Variants in PLAT observed in about 807,000 individuals in gnomAD.
PLAT encodes plasminogen activator, tissue type.
A neutral mutation model predicts 74.9 loss-of-function variants in PLAT; 48 were observed. The ratio of observed to expected loss-of-function variants is 0.64; its 90% CI spans 0.51 to 0.82. The LOEUF (loss-of-function observed/expected upper bound fraction) is 0.82. Ranked by LOEUF, PLAT falls within the 40% of genes least tolerant of loss-of-function variation. PLAT has a pLI of 0.00. For missense variants in PLAT, 673 were observed against 736.2 expected (o/e 0.91, Z 0.99); for synonymous variants, 307 against 294.4 (o/e 1.04, Z -0.44).
At chr8:42,193,269 AGAG>A in intron 1 of PLAT, 58 bp from the exon 2 acceptor site, 1 of 1,131,196 alleles carries the variant, frequency 8.8e-7, no homozygotes, top group Non-Finnish European at 1.3e-6. Context: ...TGATGGCAAC[AGAG>A]GAGGATAAGC....
At chr8:42,194,235 AGAGAGAGTGTGTGTGT>A (rs1355508931) in intron 1 of PLAT, among the ~76,000 whole-genome samples, 67 of 63,562 alleles carry the variant, frequency 1.1e-3, no homozygotes, top group South Asian at 3.2e-3. Flanking sequence ...AGAGAGAGAG[AGAGAGAGTGTGTGTGT>A]GTGTGTGTGT....
At chr8:42,201,187 G>A (rs1380808534) in intron 1 of PLAT, among the ~76,000 whole-genome samples, 1 of 152,202 alleles carries the variant, frequency 6.6e-6, no homozygotes, top group Non-Finnish European at 1.5e-5. Flanking sequence ...CAAAGAAGGG[G>A]CGTGGTCACT....
chr8:42,179,618 G>A (rs186675098), intron 12 of PLAT, among the ~76,000 whole-genome samples: 120 of 152,278 alleles, frequency 7.9e-4, no homozygotes, highest in Admixed American at 2.3e-3. Flanking sequence ...ATTTGAAATC[G>A]GGTCTTTGTA....
At chr8:42,192,243 A>G (rs978625943) in intron 2 of PLAT, among the ~76,000 whole-genome samples, 1 of 151,930 alleles carries the variant, frequency 6.6e-6, no homozygotes, top group African/African-American at 2.4e-5. Context: ...GGCTCAAGCG[A>G]TCCTCCCACC....
rs1426018186 is a variant in PLAT at position 42,185,109 on chromosome 8, C to T, written c.603G>A (p.Glu201=). The T allele has an allele frequency of 9.9e-6, 16 of 1,611,916 alleles. No individual in the cohort carries two copies. The highest frequency in any genetic ancestry group is 1.3e-5 in the African/African-American group (1 of 74,782). Residue 201 remains glutamate, a synonymous_variant, in exon 7 of 14, where the codon GAG becomes GAA. Coordinates refer to ENST00000220809, the MANE Select transcript of PLAT (RefSeq NM_000930.5). The part of the protein sequence containing the change: ...YVFKAGKYSS[E]FCSTPACSEG... Reference sequence around the variant, plus strand: ...CAGAGCAGGCAGGGGTGCTGCAGAACTCTGAGCTGTACTTCCCCGCCTTAA... The same window carrying T: ...CAGAGCAGGCAGGGGTGCTGCAGAATTCTGAGCTGTACTTCCCCGCCTTAA...
intron 1 of PLAT, among the ~76,000 whole-genome samples, chr8:42,203,988 T>TACACACACACACACAC (rs1208295801): frequency 8.1e-6 from 1 of 123,262 alleles, no homozygotes; most frequent in African/African-American, 4.8e-5. Flanking sequence ...TATATATATA[T>TACACACACACACACAC]ATATACACAC....
At position 42,176,156 on chromosome 8, in the gene PLAT, A is replaced by C. The variant is rs1587924406; in HGVS notation, c.1531-5T>G. On this transcript the variant is annotated splice_polypyrimidine_tract_variant and splice_region_variant and intron_variant, in intron 13 of 13. Coordinates refer to ENST00000220809, the MANE Select transcript of PLAT (RefSeq NM_000930.5). ...CAGGGGGCCTCCCGAATCGCCCTGCAAAGGAGATAGCAGGTTTGGCGTTTG... is the reference window on the plus strand; with the variant it reads ...CAGGGGGCCTCCCGAATCGCCCTGCCAAGGAGATAGCAGGTTTGGCGTTTG... The C allele has an allele frequency of 3.7e-6, 6 of 1,612,006 alleles. No homozygotes were observed. In the East Asian group the frequency reaches 1.1e-4, roughly 30 times the overall value.
intron 1 of PLAT, among the ~76,000 whole-genome samples, chr8:42,194,043 C>CTTTTTT (rs1805796061): frequency 1.1e-5 from 1 of 94,192 alleles, no homozygotes; most frequent in African/African-American, 4.5e-5. Flanking sequence ...TTTCTTCTTT[C>CTTTTTT]TTCTTTCTTT....
At chr8:42,199,690 C>T (rs1806053400) in intron 1 of PLAT, among the ~76,000 whole-genome samples, 1 of 152,134 alleles carries the variant, frequency 6.6e-6, no homozygotes, top group Non-Finnish European at 1.5e-5. Flanking sequence ...AAGTCTATCC[C>T]GCCTCCTCCC....
intron 6 of PLAT, chr8:42,186,343 A>T (rs1805457354): frequency 6.6e-6 from 1 of 152,052 alleles, no homozygotes; most frequent in African/African-American, 2.4e-5. Context: ...CCTCTGCCCT[A>T]TTTTTTATGT....
At chr8:42,205,819 C>T (rs548773919) in intron 1 of PLAT, among the ~76,000 whole-genome samples, 15 of 152,326 alleles carry the variant, frequency 9.8e-5, no homozygotes, top group African/African-American at 1.4e-4. Flanking sequence ...CTCCAGAGGC[C>T]GTGTCACATG....
Position 42,185,555 on chromosome 8 carries a change from C to T in PLAT, c.540-383G>A, listed in dbSNP as rs188907598. 412 of 158,682 alleles carry T rather than the reference C, an allele frequency of 2.6e-3. 1 individual carries two copies. Among genetic ancestry groups the T allele is most frequent in the African/African-American group, 9.3e-3 (388 of 41,734 alleles). 9.8% of individuals were successfully genotyped at this position (158,682 alleles called of 1,614,324 possible). A position where few individuals can be genotyped will look rare whatever the true frequency, so the allele number is the denominator to read the frequency against. ...CTGGGATTACAGGCGTGAGCCACCACGCCCAGCCGGGAGTGCGTTTTTGGT... is the reference window on the plus strand; with the variant it reads ...CTGGGATTACAGGCGTGAGCCACCATGCCCAGCCGGGAGTGCGTTTTTGGT... On this transcript the variant is annotated intron_variant, in intron 6 of 13. Coordinates refer to ENST00000220809, the MANE Select transcript of PLAT (RefSeq NM_000930.5).
intron 1 of PLAT, among the ~76,000 whole-genome samples, chr8:42,195,355 G>A (rs141704102): frequency 5.4e-4 from 82 of 152,324 alleles, no homozygotes; most frequent in African/African-American, 1.9e-3. Context: ...GAGGCTCCGG[G>A]TACAGCAATT....
At position 42,175,308 on chromosome 8, in the gene PLAT, A is replaced by T. The variant is rs139760382; in HGVS notation, c.*685T>A. 503 of 152,376 alleles carry T rather than the reference A, an allele frequency of 3.3e-3. 3 individuals carry two copies. Among genetic ancestry groups the T allele is most frequent in the African/African-American group, 0.011 (473 of 41,578 alleles). 9.4% of individuals were successfully genotyped at this position (152,376 alleles called of 1,614,324 possible). A position where few individuals can be genotyped will look rare whatever the true frequency, so the allele number is the denominator to read the frequency against. On this transcript the variant is annotated 3_prime_UTR_variant, in exon 14 of 14. Coordinates refer to ENST00000220809, the MANE Select transcript of PLAT (RefSeq NM_000930.5). ...AACAGGGTTGTGGCAACAGAAAGTAAAAACTAACATGGATTGCTATAAATA... is the reference window on the plus strand; with the variant it reads ...AACAGGGTTGTGGCAACAGAAAGTATAAACTAACATGGATTGCTATAAATA...
At chr8:42,177,886 A>G (rs561324968) in intron 13 of PLAT, among the ~76,000 whole-genome samples, 1 of 152,324 alleles carries the variant, frequency 6.6e-6, no homozygotes, top group African/African-American at 2.4e-5. Flanking sequence ...CTTCAGCACC[A>G]GAGCCTGGCC....
At chr8:42,199,852 G>T (rs7837156) in intron 1 of PLAT, among the ~76,000 whole-genome samples, 102,117 of 152,110 alleles carry the variant, frequency 0.67, 34,616 homozygotes, top group African/African-American at 0.75. Flanking sequence ...AAAGTGAATC[G>T]AAATGAATGT....
chr8:42,203,763 G>T (rs1486891776), intron 1 of PLAT, among the ~76,000 whole-genome samples: 5 of 152,026 alleles, frequency 3.3e-5, no homozygotes, highest in Admixed American at 2.0e-4. Context: ...CCAGGAGTTT[G>T]AGACTAGCCT....
intron 1 of PLAT, among the ~76,000 whole-genome samples, chr8:42,203,992 T>TATATATATATATATATATACACAC (rs1554499838): frequency 9.1e-6 from 1 of 109,894 alleles, no homozygotes; most frequent in African/African-American, 5.2e-5. Flanking sequence ...TATATATATA[T>TATATATATATATATATATACACAC]ACACACACAC....
Position 42,175,824 on chromosome 8 carries a change from TGG to T in PLAT, c.*167_*168del, listed in dbSNP as rs1804946291. On this transcript the variant is annotated 3_prime_UTR_variant, in exon 14 of 14. Transcript: ENST00000220809. ...GACCAAGTCCTGAAAACTTCCAAAA[TGG>T]GAAGTATCTGGGAAAATGCACTCTT... The T allele has an allele frequency of 3.3e-6, 2 of 609,700 alleles. No homozygotes were observed. Among genetic ancestry groups the T allele is most frequent in the Non-Finnish European group, 5.8e-6 (2 of 347,766 alleles). 37.8% of individuals were successfully genotyped at this position (609,700 alleles called of 1,614,324 possible). A position where few individuals can be genotyped will look rare whatever the true frequency, so the allele number is the denominator to read the frequency against.
Sources: allele counts gnomAD v4.1 joint callset (sites outside exome capture counted in the v4.1 genomes callset), GRCh38; gene constraint gnomAD v4.1.1; transcripts MANE v1.5; gene names NCBI Gene and HGNC (gene_info 2026-07-23, HGNC 2026-07-21).